The following LRP12 variants were observed in gnomAD, a reference collection of about 807,000 sequenced individuals.
The protein encoded by LRP12 is LDL receptor related protein 12, also known as low-density lipoprotein receptor-related protein 12.
LRP12 carries 14 observed loss-of-function variants against 66.0 expected under a neutral mutation model. The ratio of observed to expected loss-of-function variants is 0.21; its 90% CI spans 0.14 to 0.33. The LOEUF (loss-of-function observed/expected upper bound fraction) is 0.33. Among genes scored for constraint, LRP12 ranks in the 10% least tolerant of loss-of-function variants. The pLI is 1.00. For synonymous variants in LRP12, 357 were observed against 359.1 expected, an observed-to-expected ratio of 0.99 and a Z score of 0.07; for missense variants, 889 against 1,053.4, an observed-to-expected ratio of 0.84 and a Z score of 2.16.
intron 1 of LRP12, among the ~76,000 whole-genome samples, chr8:104,543,211 C>T (rs1172035208): frequency 6.6e-6 from 1 of 151,870 alleles, no homozygotes; most frequent in Admixed American, 6.6e-5. Flanking sequence ...GTTTTGTTTA[C>T]CAAATTGGAG....
intron 2 of LRP12, 71 bp from the exon 3 acceptor site, chr8:104,509,145 T>G (rs1237931291): frequency 1.4e-6 from 2 of 1,470,320 alleles, no homozygotes; most frequent in East Asian, 4.6e-5. Context: ...TCAGTGTTTA[T>G]TTTTTAAAAA....
chr8:104,548,376 ATAT>A lies in LRP12; in HGVS notation c.80-16416_80-16414del, dbSNP rs1474326245. Among the ~76,000 whole-genome samples the A allele has an allele frequency of 1.0e-4, 7 of 68,656 alleles. 3 individuals carry two copies. Among genetic ancestry groups the A allele is most frequent in the African/African-American group, 5.9e-4 (7 of 11,816 alleles). 45.0% of individuals were successfully genotyped at this position (68,656 alleles called of 152,430 possible). A position where few individuals can be genotyped will look rare whatever the true frequency, so the allele number is the denominator to read the frequency against. On this transcript the variant is annotated intron_variant, in intron 1 of 6. Transcript: ENST00000276654. ...ATAATATATATTATATAAATATATT[ATAT>A]AAATATATAATATATATTATATAAA...
intron 1 of LRP12, among the ~76,000 whole-genome samples, chr8:104,550,350 T>G (rs1271275413): frequency 2.0e-5 from 3 of 152,202 alleles, no homozygotes; most frequent in Admixed American, 1.3e-4. Flanking sequence ...CAAATGATGG[T>G]CTAAGGAATT....
chr8:104,541,655 T>TC (rs1479180333), intron 1 of LRP12, among the ~76,000 whole-genome samples: 1 of 152,202 alleles, frequency 6.6e-6, no homozygotes, highest in Non-Finnish European at 1.5e-5. Context: ...CAGCAGTTAT[T>TC]CCCCTTTTTC....
At chr8:104,521,272 G>A (rs1051728117) in intron 2 of LRP12, among the ~76,000 whole-genome samples, 9 of 151,698 alleles carry the variant, frequency 5.9e-5, no homozygotes, top group Non-Finnish European at 7.4e-5. Flanking sequence ...TTGGATTTTG[G>A]AGCATTTTGA....
At chr8:104,565,584 G>A (rs895199287) in intron 1 of LRP12, among the ~76,000 whole-genome samples, 8 of 152,122 alleles carry the variant, frequency 5.3e-5, no homozygotes, top group African/African-American at 1.7e-4. Flanking sequence ...CCCAGGCCGG[G>A]CGCGGTGGCT....
intron 1 of LRP12, among the ~76,000 whole-genome samples, chr8:104,548,401 TAAATA>T (rs1297317247): frequency 1.7e-4 from 16 of 96,258 alleles, no homozygotes; most frequent in African/African-American, 7.8e-4. Flanking sequence ...ATATATTATA[TAAATA>T]TATGATATAT....
chr8:104,521,867 C>T (rs920939667), intron 2 of LRP12, among the ~76,000 whole-genome samples: 2 of 151,746 alleles, frequency 1.3e-5, no homozygotes, highest in African/African-American at 4.8e-5. Context: ...AACAAGAGGT[C>T]CAGGTACCTA....
Position 104,490,792 on chromosome 8 carries a change from T to C in LRP12, c.2461A>G (p.Asn821Asp). 1 of 1,614,154 alleles carries C rather than the reference T, an allele frequency of 6.2e-7. No individual in the cohort carries two copies. The highest frequency in any genetic ancestry group is 1.7e-5 in the Admixed American group (1 of 60,026). Residue 821 changes from asparagine to aspartate, a missense_variant, in exon 7 of 7, where the codon AAT becomes GAT. Around this residue, in one of 3 missense-constraint regions of LRP12, gnomAD observed 800 missense variants for 964.5 expected, o/e 0.83. Coordinates refer to ENST00000276654, the MANE Select transcript of LRP12 (RefSeq NM_013437.5). ...NATNPGVRPSNRDGPCERCGI... is the reference protein window; with the variant it reads ...NATNPGVRPSDRDGPCERCGI... The stretch of plus-strand genomic sequence containing the variant: ...CAGCGCTCACAGGGGCCATCTCGAT[T>C]ACTTGGCCTTACTCCAGGATTTGTT...
intron 1 of LRP12, among the ~76,000 whole-genome samples, chr8:104,545,675 T>TA (rs1343269977): frequency 6.6e-6 from 1 of 152,182 alleles, no homozygotes; most frequent in African/African-American, 2.4e-5. Context: ...GGTATATATA[T>TA]TTTTTAGATA....
intron 1 of LRP12, among the ~76,000 whole-genome samples, chr8:104,581,945 G>A (rs16871570): frequency 0.023 from 3,549 of 152,070 alleles, 151 homozygotes; most frequent in African/African-American, 0.08. Context: ...ATAATTTCAC[G>A]AAACAATTCT....
intron 1 of LRP12, among the ~76,000 whole-genome samples, chr8:104,570,469 C>T (rs1325481369): frequency 6.6e-6 from 1 of 152,146 alleles, no homozygotes; most frequent in African/African-American, 2.4e-5. Context: ...GAAATAGACT[C>T]ATGCAAATAT....
intron 2 of LRP12, among the ~76,000 whole-genome samples, chr8:104,511,320 G>C (rs1184146526): frequency 6.6e-6 from 1 of 151,694 alleles, no homozygotes; most frequent in Admixed American, 6.6e-5. Flanking sequence ...GGGATTACAG[G>C]CGTGAGCCAC....
intron 1 of LRP12, among the ~76,000 whole-genome samples, chr8:104,588,303 G>A (rs1812366958): frequency 6.6e-6 from 1 of 152,186 alleles, no homozygotes; most frequent in Non-Finnish European, 1.5e-5. Context: ...GGTGGAGTGG[G>A]GAGAAGTCAG....
At chr8:104,542,070 G>A (rs912146870) in intron 1 of LRP12, among the ~76,000 whole-genome samples, 2 of 152,142 alleles carry the variant, frequency 1.3e-5, no homozygotes, top group East Asian at 1.9e-4. Flanking sequence ...CTGAGGAACT[G>A]CCAAGCTGTA....
intron 1 of LRP12, among the ~76,000 whole-genome samples, chr8:104,584,186 A>G (rs1037596912): frequency 2.0e-5 from 3 of 152,036 alleles, no homozygotes; most frequent in African/African-American, 7.2e-5. Flanking sequence ...GTAACCTTAG[A>G]AATTAGAGAT....
chr8:104,558,357 A>G (rs560006260), intron 1 of LRP12, among the ~76,000 whole-genome samples: 3 of 152,348 alleles, frequency 2.0e-5, no homozygotes, highest in African/African-American at 4.8e-5. Context: ...AAGTGGGGAA[A>G]GCACACTCTA....
At chr8:104,521,564 A>G (rs916530618) in intron 2 of LRP12, among the ~76,000 whole-genome samples, 1 of 151,486 alleles carries the variant, frequency 6.6e-6, no homozygotes, top group Non-Finnish European at 1.5e-5. Flanking sequence ...TAAACTCTGA[A>G]GGTAGACAAT....
intron 2 of LRP12, among the ~76,000 whole-genome samples, chr8:104,521,064 A>G (rs1392149855): frequency 6.6e-6 from 1 of 152,004 alleles, no homozygotes; most frequent in African/African-American, 2.4e-5. Flanking sequence ...TGCTGGAGTT[A>G]TTGTTTATTA....
Sources: gnomAD v4.1 joint callset for allele counts (sites outside exome capture counted in the v4.1 genomes callset) on GRCh38, gnomAD v4.1.1 for gene constraint, gnomAD v4.1.1 regional missense constraint, MANE v1.5 for transcripts, NCBI Gene and HGNC (gene_info 2026-07-23, HGNC 2026-07-21) for gene names.